IMMP2L: variants seen among roughly 807,000 people sequenced by gnomAD.
The protein encoded by IMMP2L is inner mitochondrial membrane peptidase subunit 2.
A neutral mutation model predicts 19.3 loss-of-function variants in IMMP2L; 18 were observed. That is an observed-to-expected ratio of 0.93 (90% CI 0.64 to 1.38). The LOEUF is 1.38. Among genes scored for constraint, IMMP2L ranks in the 40% most tolerant of loss-of-function variants. IMMP2L has a pLI of 0.00. For synonymous variants in IMMP2L, 76 were observed against 73.0 expected (o/e 1.04, Z -0.21); for missense variants, 233 against 218.2 (o/e 1.07, Z -0.43).
In IMMP2L at chr7:110,727,943, C is replaced by G. The variant is rs899510741; in HGVS notation, c.409-64222G>C. Among the ~76,000 whole-genome samples, 1 of 152,130 alleles carries G rather than the reference C, an allele frequency of 6.6e-6. No homozygotes were observed. Among genetic ancestry groups the G allele is most frequent in the African/African-American group, 2.4e-5 (1 of 41,428 alleles). Reference sequence around the variant, plus strand: ...ACCTAACAAGCTCTGCATTGCATACCCACACACATGTAATTCTGCTCACTT... The same window carrying G: ...ACCTAACAAGCTCTGCATTGCATACGCACACACATGTAATTCTGCTCACTT... On this transcript the variant is annotated intron_variant, in intron 5 of 5. Coordinates refer to ENST00000405709, the MANE Select transcript of IMMP2L (RefSeq NM_032549.4). The surrounding 1 kb of genome is among the most constrained non-coding windows in gnomAD (Gnocchi z 4.3).
chr7:111,356,574 C>T (rs933645874), intron 3 of IMMP2L, among the ~76,000 whole-genome samples: 5 of 151,974 alleles, frequency 3.3e-5, no homozygotes, highest in Admixed American at 2.6e-4. Flanking sequence ...ACGTTAAATC[C>T]CAATTGTACG....
intron 5 of IMMP2L, among the ~76,000 whole-genome samples, chr7:110,807,478 A>G (rs1021185148): frequency 7.9e-5 from 12 of 152,102 alleles, no homozygotes; most frequent in African/African-American, 2.4e-4. Flanking sequence ...ACTTCCCTTC[A>G]TTTGTACCTT....
At chr7:110,871,052 G>C (rs578227683) in intron 5 of IMMP2L, among the ~76,000 whole-genome samples, 52 of 152,130 alleles carry the variant, frequency 3.4e-4, no homozygotes, top group African/African-American at 1.2e-3. Flanking sequence ...GTTGGTGGAA[G>C]AGTAAAAGGC....
intron 4 of IMMP2L, among the ~76,000 whole-genome samples, chr7:110,953,493 T>G (rs1818043893): frequency 6.6e-6 from 1 of 152,158 alleles, no homozygotes; most frequent in Non-Finnish European, 1.5e-5. Context: ...GCAAAGGACA[T>G]GAACTCATCC....
intron 3 of IMMP2L, among the ~76,000 whole-genome samples, chr7:111,147,989 C>A (rs1803663702): frequency 6.6e-6 from 1 of 152,022 alleles, no homozygotes; most frequent in South Asian, 2.1e-4. Context: ...TATGACCCAG[C>A]ATTTCAACTC....
chr7:111,205,182 A>C (rs1291489650), intron 3 of IMMP2L, among the ~76,000 whole-genome samples: 1 of 151,664 alleles, frequency 6.6e-6, no homozygotes, highest in Non-Finnish European at 1.5e-5. Flanking sequence ...CAGGCCTAAG[A>C]CCCTCCTTTC....
chr7:111,252,263 C>T (rs1369138324), intron 3 of IMMP2L, among the ~76,000 whole-genome samples: 2 of 151,924 alleles, frequency 1.3e-5, no homozygotes, highest in Admixed American at 6.6e-5. Flanking sequence ...AACCAACAAG[C>T]GGAAACAAAC....
intron 5 of IMMP2L, among the ~76,000 whole-genome samples, chr7:110,832,580 CG>C (rs1432564299): frequency 1.3e-5 from 2 of 152,084 alleles, no homozygotes; most frequent in Non-Finnish European, 2.9e-5. Flanking sequence ...GAACTCAGAA[CG>C]TTGTGAAGCC....
rs115230499 is a variant in IMMP2L at position 110,804,747 on chromosome 7, T to A, written c.408+81846A>T. Reference sequence around the variant, plus strand: ...TCCCAAACCCACTCCCCGCTGGGGCTGGAATACCAAAGTAGCAGCAATCCA... The same window carrying A: ...TCCCAAACCCACTCCCCGCTGGGGCAGGAATACCAAAGTAGCAGCAATCCA... On this transcript the variant is annotated intron_variant, in intron 5 of 5. Coordinates refer to ENST00000405709, the MANE Select transcript of IMMP2L (RefSeq NM_032549.4). Among the ~76,000 whole-genome samples, 424 of 152,234 alleles carry A rather than the reference T, an allele frequency of 2.8e-3. 4 individuals are homozygous for A. Among genetic ancestry groups the A allele is most frequent in the African/African-American group, 9.6e-3 (401 of 41,570 alleles).
chr7:111,195,394 A>G (rs1404493048), intron 3 of IMMP2L, among the ~76,000 whole-genome samples: 1 of 152,060 alleles, frequency 6.6e-6, no homozygotes, highest in Non-Finnish European at 1.5e-5. Flanking sequence ...AGCTGCTTCT[A>G]AAGACTAAGT....
At chr7:111,422,860 T>C (rs958536590) in intron 3 of IMMP2L, among the ~76,000 whole-genome samples, 5 of 151,984 alleles carry the variant, frequency 3.3e-5, no homozygotes, top group African/African-American at 9.7e-5. Flanking sequence ...GGGTTTGTCA[T>C]AGATAGCTCT....
rs575701337 is a variant in IMMP2L at position 111,048,238 on chromosome 7, CAAAAAAAAA to C, written c.240-84682_240-84674del. On this transcript the variant is annotated intron_variant, in intron 3 of 5. Transcript: ENST00000405709. ...TGGGCGACAGAGCGAGACTCTGTCT[CAAAAAAAAA>C]AAAAAAAAAAAAAAAAAAGAAAAAA... Among the ~76,000 whole-genome samples the C allele has an allele frequency of 7.1e-4, 13 of 18,340 alleles. No homozygotes were observed. The South Asian group carries it at 0.031, about 44-fold the overall frequency. 12.0% of individuals were successfully genotyped at this position (18,340 alleles called of 152,430 possible).
At chr7:110,731,585 C>A (rs1796280817) in intron 5 of IMMP2L, among the ~76,000 whole-genome samples, 1 of 152,118 alleles carries the variant, frequency 6.6e-6, no homozygotes. Flanking sequence ...GGTCCTGAAT[C>A]CTGAATTCAA....
chr7:111,494,622 A>G (rs1466285224), intron 2 of IMMP2L, among the ~76,000 whole-genome samples: 1 of 152,158 alleles, frequency 6.6e-6, no homozygotes, highest in Non-Finnish European at 1.5e-5. Context: ...ATTACTTTAA[A>G]CAGATTATTT....
chr7:111,018,361 C>A (rs1751722240), intron 3 of IMMP2L, among the ~76,000 whole-genome samples: 3 of 152,162 alleles, frequency 2.0e-5, no homozygotes, highest in Admixed American at 6.5e-5. Flanking sequence ...TGATGATATA[C>A]ATAGGAACCT....
chr7:111,395,724 C>G (rs1474744928), intron 3 of IMMP2L, among the ~76,000 whole-genome samples: 1 of 152,152 alleles, frequency 6.6e-6, no homozygotes, highest in Non-Finnish European at 1.5e-5. Flanking sequence ...TAATATTATT[C>G]TGCCACATTC....
At chr7:111,340,997 A>C (rs1283473713) in intron 3 of IMMP2L, among the ~76,000 whole-genome samples, 2 of 152,102 alleles carry the variant, frequency 1.3e-5, no homozygotes, top group African/African-American at 4.8e-5. Context: ...TACTCTGGAA[A>C]AGTTCATCAA....
At chr7:110,852,067 A>T (rs984245751) in intron 5 of IMMP2L, among the ~76,000 whole-genome samples, 1 of 152,028 alleles carries the variant, frequency 6.6e-6, no homozygotes, top group African/African-American at 2.4e-5. Context: ...CTCTTTCACA[A>T]AAGATTTGCC....
rs1020452044 is a variant in IMMP2L, at chr7:111,436,325, CA to C, written c.239+50912del. ...AGGCAACATGGAAAAGCTTTGTTTA[CA>C]AAAAAAAATGACATTGGGCTGGAAG... On this transcript the variant is annotated intron_variant, in intron 3 of 5. Transcript: ENST00000405709. Among the ~76,000 whole-genome samples the C allele has an allele frequency of 6.1e-5, 9 of 148,286 alleles. No homozygotes were observed. The East Asian group carries it at 9.8e-4, about 16-fold the overall frequency.
Sources: gnomAD v4.1 joint callset for allele counts (sites outside exome capture counted in the v4.1 genomes callset) on GRCh38, gnomAD v4.1.1 for gene constraint, Gnocchi (gnomAD v3.1) non-coding constraint, MANE v1.5 for transcripts, NCBI Gene and HGNC (gene_info 2026-07-23, HGNC 2026-07-21) for gene names.